The following ADPRH variants were observed in gnomAD, a reference collection of about 807,000 sequenced individuals.
The protein encoded by ADPRH is ADP-ribosylarginine hydrolase.
Under a neutral mutation model 28.8 loss-of-function variants are expected in ADPRH, and 27 were observed. The observed-to-expected ratio is 0.94, with a 90% CI of 0.69 to 1.29. ADPRH has a LOEUF of 1.29. Among genes scored for constraint, ADPRH ranks in the 50% most tolerant of loss-of-function variants. ADPRH has a pLI of 0.00. For missense variants in ADPRH, 419 were observed against 444.8 expected, an observed-to-expected ratio of 0.94 and a Z score of 0.52; for synonymous variants, 161 against 166.9, an observed-to-expected ratio of 0.96 and a Z score of 0.27.
chr3:119,582,073 T>C (rs1323943677), intron 2 of ADPRH, 61 bp from the exon 3 acceptor site: 11 of 561,430 alleles, frequency 2.0e-5, no homozygotes, highest in Non-Finnish European at 2.8e-5. Flanking sequence ...CTAGAGTCGT[T>C]GTTTTTTCTG....
At chr3:119,586,709 A>G in intron 4 of ADPRH, 64 bp downstream of exon 4, 1 of 1,581,640 alleles carries the variant, frequency 6.3e-7, no homozygotes, top group Non-Finnish European at 8.5e-7. Context: ...ATCCACCTGC[A>G]CATATATGTC....
At chr3:119,582,851 C>T (rs928332525) in intron 3 of ADPRH, among the ~76,000 whole-genome samples, 1 of 152,196 alleles carries the variant, frequency 6.6e-6, no homozygotes, top group Admixed American at 6.5e-5. Flanking sequence ...AGATCAGTGG[C>T]GCATTAGATT....
intron 3 of ADPRH, 121 bp from the exon 4 acceptor site, chr3:119,586,164 C>G: frequency 7.0e-7 from 1 of 1,438,584 alleles, no homozygotes; most frequent in Non-Finnish European, 9.6e-7. Context: ...CATGCATCAT[C>G]ATATTTTTTG....
At position 119,582,481 on chromosome 3, in the gene ADPRH, G is replaced by C; in HGVS notation, c.298+14G>C. On this transcript the variant is annotated intron_variant, in intron 3 of 4. Transcript: ENST00000357003. ...GGCGGGCACCAGGTGAGCACAGCCG[G>C]TGGGAGGTGCAAGGAGGGCAAAGAA... is the stretch of plus-strand genomic sequence containing the variant. The C allele has an allele frequency of 6.2e-7, 1 of 1,606,658 alleles. No homozygotes were observed. The highest frequency in any genetic ancestry group is 8.5e-7 in the Non-Finnish European group (1 of 1,174,470).
In ADPRH at chr3:119,579,812, C is replaced by G. The variant is rs1413166312; in HGVS notation, c.-162C>G. On this transcript the variant is annotated 5_prime_UTR_variant, in exon 1 of 5. Transcript: ENST00000357003. The stretch of plus-strand genomic sequence containing the variant: ...CTTCCCCGGCCCCGGGAGCCCGCGC[C>G]ACGCCCGTCGCTCGCGCGTTCCAGT... 2.6e-5 allele frequency: 4 copies of G among 152,948 alleles called. No homozygotes were observed. Among genetic ancestry groups the G allele is most frequent in the African/African-American group, 9.6e-5 (4 of 41,480 alleles). 9.5% of individuals were successfully genotyped at this position (152,948 alleles called of 1,614,324 possible).
rs747882109 is a variant in ADPRH at position 119,586,301 on chromosome 3, C to T, written c.315C>T (p.His105=). The T allele has an allele frequency of 8.7e-6, 14 of 1,613,258 alleles. 1 individual carries two copies. Among genetic ancestry groups the T allele is most frequent in the South Asian group, 6.6e-5 (6 of 91,062 alleles). Residue 105 remains histidine (H), a synonymous_variant, in exon 4 of 5, where the codon CAC becomes CAT. Coordinates refer to ENST00000357003, the MANE Select transcript of ADPRH (RefSeq NM_001125.4). ...CTTCCCCAGGTGGTGCCTCGGTGCA[C>T]AACGCCATGCAGCTGAAGCCGGGCA... is the stretch of plus-strand genomic sequence containing the variant. ...DGRAPGGASV[H]NAMQLKPGKP...
At chr3:119,581,896 T>C (rs1474797952) in intron 2 of ADPRH, among the ~76,000 whole-genome samples, 1 of 152,234 alleles carries the variant, frequency 6.6e-6, no homozygotes, top group Non-Finnish European at 1.5e-5. Flanking sequence ...ATTGGCTCTG[T>C]GACCTGAGAC....
Position 119,582,386 on chromosome 3 carries a change from G to T in ADPRH, c.217G>T (p.Ala73Ser). The T allele has an allele frequency of 6.2e-7, 1 of 1,614,186 alleles. No homozygotes were observed. Residue 73 changes from alanine (A) to serine (S), a missense_variant, in exon 3 of 5, where the codon GCC (alanine) becomes TCC (serine). By Grantham distance (99) the Ala-to-Ser change is moderately conservative. Coordinates refer to ENST00000357003, the MANE Select transcript of ADPRH (RefSeq NM_001125.4). ...TAEALVEAGK[A>S]PKLTQLYYLL... The stretch of plus-strand genomic sequence containing the variant: ...AGAAGCTCTTGTGGAAGCTGGGAAA[G>T]CCCCTAAGTTGACTCAACTGTATTA...
At chr3:119,586,774 A>C in intron 4 of ADPRH, 129 bp downstream of exon 4, 2 of 1,315,406 alleles carry the variant, frequency 1.5e-6, no homozygotes, top group Admixed American at 2.7e-5. Flanking sequence ...CCCCCTTTCT[A>C]CCCATCTGCT....
rs2082472762 is a variant in ADPRH at position 119,587,475 on chromosome 3, A to G, written c.671A>G (p.Gln224Arg). The change falls in exon 5 of 5, where the codon CAA (glutamine) becomes CGA (arginine). Residue 224 changes from glutamine to arginine, a missense_variant. Coordinates refer to ENST00000357003, the MANE Select transcript of ADPRH (RefSeq NM_001125.4). ...EENLQHWSYF[Q>R]TKWENYLKLR... ...TTTCCTTTCTACAGGTCCTACTTCC[A>G]AACCAAATGGGAAAATTACCTAAAA... is the stretch of plus-strand genomic sequence containing the variant. 6.5e-7 allele frequency: 1 copy of G among 1,547,366 alleles called. No homozygotes were observed. The highest frequency in any genetic ancestry group is 8.7e-7 in the Non-Finnish European group (1 of 1,146,034).
At chr3:119,583,533 ATATT>A (rs200605504) in intron 3 of ADPRH, among the ~76,000 whole-genome samples, 2,975 of 152,246 alleles carry the variant, frequency 0.02, 43 homozygotes, top group Middle Eastern at 0.037. Context: ...TTTGCAAATA[ATATT>A]TACTAATATT....
chr3:119,586,062 C>T (rs2082455571), intron 3 of ADPRH, among the ~76,000 whole-genome samples: 1 of 152,172 alleles, frequency 6.6e-6, no homozygotes, highest in Non-Finnish European at 1.5e-5. Context: ...CCAAGGATCC[C>T]TATATGAGTC....
In ADPRH at chr3:119,582,219, T is replaced by G. The variant is rs761975944; in HGVS notation, c.50T>G (p.Leu17Arg). The G allele has an allele frequency of 6.2e-7, 1 of 1,614,086 alleles. No homozygotes were observed. Among genetic ancestry groups the G allele is most frequent in the Admixed American group, 1.7e-5 (1 of 60,020 alleles). The change falls in exon 3 of 5, where the codon CTG (leucine) becomes CGG (arginine). Residue 17 changes from leucine to arginine, a missense_variant. By Grantham distance (102) the Leu-to-Arg change is moderately radical. Transcript: ENST00000357003. ...GTGCTGAGTGCAGCTGGAGATGCCC[T>G]GGGGTACTACAATGGGAAGTGGGAG... ...AMVLSAAGDA[L>R]GYYNGKWEFL...
intron 4 of ADPRH, 46 bp downstream of exon 4, chr3:119,586,691 G>A (rs750235822): frequency 1.1e-5 from 18 of 1,598,806 alleles, no homozygotes; most frequent in Non-Finnish European, 1.5e-5. Flanking sequence ...TTGAATCTGT[G>A]CGTGTACATC....
intron 3 of ADPRH, among the ~76,000 whole-genome samples, chr3:119,583,409 A>G (rs1577123724): frequency 6.6e-6 from 1 of 152,310 alleles, no homozygotes; most frequent in East Asian, 1.9e-4. Context: ...GAGGCAATAG[A>G]TATGCTAATT....
chr3:119,581,954 T>G (rs761513204), intron 2 of ADPRH, 180 bp from the exon 3 acceptor site: 4 of 512,264 alleles, frequency 7.8e-6, no homozygotes, highest in Non-Finnish European at 1.0e-5. Flanking sequence ...GGTCCTCCAT[T>G]TGTTCATACA....
chr3:119,580,985 C>T (rs1010239623), intron 2 of ADPRH, among the ~76,000 whole-genome samples: 1 of 151,768 alleles, frequency 6.6e-6, no homozygotes, highest in Non-Finnish European at 1.5e-5. Flanking sequence ...TAAAACAGAA[C>T]ACCCATTTTC....
chr3:119,586,293 T>A lies in ADPRH; in HGVS notation c.307T>A (p.Ser103Thr). 1.2e-6 allele frequency: 2 copies of A among 1,613,102 alleles called. No individual in the cohort carries two copies. Among genetic ancestry groups the A allele is most frequent in the Non-Finnish European group, 1.7e-6 (2 of 1,180,040 alleles). The stretch of plus-strand genomic sequence containing the variant: ...ATCCGACTCTTCCCCAGGTGGTGCC[T>A]CGGTGCACAACGCCATGCAGCTGAA... ...DMDGRAPGGA[S>T]VHNAMQLKPG... The change falls in exon 4 of 5, where the codon TCG becomes ACG. Residue 103 changes from serine (S) to threonine (T), a missense_variant. Transcript: ENST00000357003.
At position 119,587,674 on chromosome 3, in the gene ADPRH, G is replaced by A. The variant is rs2082475754; in HGVS notation, c.870G>A (p.Lys290=). The change falls in exon 5 of 5, where the codon AAG becomes AAA. Residue 290 remains lysine (K), a synonymous_variant. Transcript: ENST00000357003. ...TTCTTGCTGCAGGAGACTCCTGGAA[G>A]GAGCTTGCCCACCGAGCCTTTTTCC... ...DAVLAAGDSW[K]ELAHRAFFHG... 1.2e-6 allele frequency: 2 copies of A among 1,614,132 alleles called. No homozygotes were observed. Among genetic ancestry groups the A allele is most frequent in the South Asian group, 1.1e-5 (1 of 91,068 alleles).
Sources: gnomAD v4.1 joint callset for allele counts (sites outside exome capture counted in the v4.1 genomes callset) on GRCh38, gnomAD v4.1.1 for gene constraint, MANE v1.5 for transcripts, NCBI Gene and HGNC (gene_info 2026-07-23, HGNC 2026-07-21) for gene names.